Variants in KCNQ3 observed in about 807,000 individuals in gnomAD.
KCNQ3 encodes the protein potassium voltage-gated channel subfamily Q member 3.
KCNQ3 carries 30 observed loss-of-function variants against 92.5 expected under a neutral mutation model. That is an observed-to-expected ratio of 0.32 (90% CI 0.24 to 0.44). KCNQ3 has a LOEUF of 0.44. KCNQ3 is among the 20% of genes least tolerant of loss of function. KCNQ3 has a pLI of 1.00. For synonymous variants in KCNQ3, 450 were observed against 468.8 expected, an observed-to-expected ratio of 0.96 and a Z score of 0.52; for missense variants, 913 against 1,140.3, an observed-to-expected ratio of 0.80 and a Z score of 2.87.
chr8:132,415,282 G>A (rs1338295517), intron 1 of KCNQ3, among the ~76,000 whole-genome samples: 1 of 152,192 alleles, frequency 6.6e-6, no homozygotes, highest in East Asian at 1.9e-4. Flanking sequence ...GCAGGCATAA[G>A]GATTCAGGAA....
At position 132,480,772 on chromosome 8, in the gene KCNQ3, G is replaced by A. The variant is rs1166763916; in HGVS notation, c.-240C>T. On this transcript the variant is annotated 5_prime_UTR_variant, in exon 1 of 15. Transcript: ENST00000388996. ...CCGCGCGGGTCAGCCGCAGGACCCC[G>A]AGGGTCGCGGGCCGGGGGCTGCGGA... 3.5e-5 allele frequency: 7 copies of A among 200,314 alleles called. No individual in the cohort carries two copies. The highest frequency in any genetic ancestry group is 5.3e-5 in the Non-Finnish European group (6 of 114,150). The allele number at this position is 200,314 out of a possible 1,614,324, so 12.4% of individuals were successfully genotyped here. A position where few individuals can be genotyped will look rare whatever the true frequency, so the allele number is the denominator to read the frequency against.
intron 9 of KCNQ3, among the ~76,000 whole-genome samples, chr8:132,159,587 T>C (rs1267921247): frequency 6.6e-6 from 1 of 152,178 alleles, no homozygotes; most frequent in Non-Finnish European, 1.5e-5. Flanking sequence ...AGAGGAAATA[T>C]ATGTGATTTT....
Position 132,199,442 on chromosome 8 carries a change from C to A in KCNQ3, c.387-13261G>T, listed in dbSNP as rs556954529. ...TTGTGTTTTAATAGTTTTTTAAAGA[C>A]AAAGTACTAATATGATATTTTTGTC... On this transcript the variant is annotated intron_variant, in intron 1 of 14. Coordinates refer to ENST00000388996, the MANE Select transcript of KCNQ3 (RefSeq NM_004519.4). Among the ~76,000 whole-genome samples, 22 of 152,192 alleles carry A rather than the reference C, an allele frequency of 1.4e-4. No individual in the cohort carries two copies. In the East Asian group the frequency reaches 4.2e-3, roughly 29 times the overall value.
At chr8:132,154,208 T>TGTTTGTTTTTG (rs1554624533) in intron 9 of KCNQ3, among the ~76,000 whole-genome samples, 2 of 142,242 alleles carry the variant, frequency 1.4e-5, no homozygotes, top group African/African-American at 5.4e-5. Context: ...TTTTTTTTTT[T>TGTTTGTTTTTG]TTTTTTTTTT....
chr8:132,269,508 T>C (rs908957577), intron 1 of KCNQ3, among the ~76,000 whole-genome samples: 3 of 152,224 alleles, frequency 2.0e-5, no homozygotes, highest in African/African-American at 7.2e-5. Context: ...AGAATCTGCA[T>C]TTTTAACCAG....
At chr8:132,184,509 G>A (rs933124310) in intron 2 of KCNQ3, 142 bp from the exon 3 acceptor site, 3 of 791,692 alleles carry the variant, frequency 3.8e-6, no homozygotes, top group African/African-American at 1.7e-5. Flanking sequence ...TGGGGATGGG[G>A]GTGGGGAAGG....
chr8:132,247,729 C>T (rs1170786768), intron 1 of KCNQ3, among the ~76,000 whole-genome samples: 7 of 151,088 alleles, frequency 4.6e-5, no homozygotes, highest in Non-Finnish European at 7.4e-5. Context: ...ACCCAGGAGG[C>T]GGAGGATGCA....
At chr8:132,479,424 G>A (rs1244220783) in intron 1 of KCNQ3, among the ~76,000 whole-genome samples, 1 of 152,108 alleles carries the variant, frequency 6.6e-6, no homozygotes, top group Non-Finnish European at 1.5e-5. Context: ...AGATGTTTCA[G>A]CCAAAAGAGT....
At chr8:132,420,808 A>T (rs1820945570) in intron 1 of KCNQ3, among the ~76,000 whole-genome samples, 1 of 152,182 alleles carries the variant, frequency 6.6e-6, no homozygotes, top group African/African-American at 2.4e-5. Context: ...AGAGTCTCTA[A>T]CTGGGGCTCT....
At chr8:132,183,673 C>G (rs992007108) in intron 3 of KCNQ3, among the ~76,000 whole-genome samples, 2 of 152,192 alleles carry the variant, frequency 1.3e-5, no homozygotes, top group African/African-American at 4.8e-5. Context: ...TCCAGTGACA[C>G]CTCTCAAGGC....
chr8:132,427,786 C>A (rs1587009549), intron 1 of KCNQ3, among the ~76,000 whole-genome samples: 2 of 152,308 alleles, frequency 1.3e-5, no homozygotes, highest in African/African-American at 4.8e-5. Flanking sequence ...CTCCAAGGAG[C>A]AACTGAAACA....
chr8:132,397,761 G>A (rs551193913), intron 1 of KCNQ3, among the ~76,000 whole-genome samples: 33 of 152,264 alleles, frequency 2.2e-4, no homozygotes, highest in Admixed American at 9.8e-4. Context: ...AAAGTTCCCA[G>A]AGAAGCTAAG....
intron 1 of KCNQ3, among the ~76,000 whole-genome samples, chr8:132,326,883 G>A (rs1399477231): frequency 6.6e-6 from 1 of 152,206 alleles, no homozygotes; most frequent in Non-Finnish European, 1.5e-5. Flanking sequence ...TTACTCATTT[G>A]CCTTATCAAA....
intron 1 of KCNQ3, among the ~76,000 whole-genome samples, chr8:132,413,980 A>G (rs931246162): frequency 6.6e-6 from 1 of 152,218 alleles, no homozygotes; most frequent in Admixed American, 6.5e-5. Flanking sequence ...ATTCATCCTG[A>G]GGAGACGCCC....
rs1276670516 is a variant in KCNQ3, at chr8:132,122,593, G to A, written c.*6669C>T. 1 of 152,154 alleles carries A rather than the reference G, an allele frequency of 6.6e-6. No homozygotes were observed. The highest frequency in any genetic ancestry group is 1.5e-5 in the Non-Finnish European group (1 of 68,024). 9.4% of individuals were successfully genotyped at this position (152,154 alleles called of 1,614,324 possible). Reference sequence around the variant, plus strand: ...TGAAGCTTATTTTAAGCCCATAACAGTGCTATCTGGAGGATGAAGGCTTAG... The same window carrying A: ...TGAAGCTTATTTTAAGCCCATAACAATGCTATCTGGAGGATGAAGGCTTAG... On this transcript the variant is annotated 3_prime_UTR_variant, in exon 15 of 15. Coordinates refer to ENST00000388996, the MANE Select transcript of KCNQ3 (RefSeq NM_004519.4).
chr8:132,455,851 C>T (rs1447201834), intron 1 of KCNQ3, among the ~76,000 whole-genome samples: 1 of 152,162 alleles, frequency 6.6e-6, no homozygotes, highest in African/African-American at 2.4e-5. Flanking sequence ...ACGCCATTCT[C>T]CTGCCTCAGC....
At chr8:132,455,342 CAT>C (rs997123358) in intron 1 of KCNQ3, among the ~76,000 whole-genome samples, 17 of 152,182 alleles carry the variant, frequency 1.1e-4, no homozygotes, top group Non-Finnish European at 2.2e-4. Context: ...CCTGACCTCA[CAT>C]GACTCTCCTA....
At chr8:132,191,946 G>A (rs1368726201) in intron 1 of KCNQ3, among the ~76,000 whole-genome samples, 2 of 152,138 alleles carry the variant, frequency 1.3e-5, no homozygotes, top group East Asian at 3.9e-4. Context: ...GCGGCCAGCA[G>A]GACCGCGAAG....
intron 1 of KCNQ3, among the ~76,000 whole-genome samples, chr8:132,461,950 T>C (rs890576298): frequency 3.3e-5 from 5 of 152,220 alleles, no homozygotes; most frequent in African/African-American, 4.8e-5. Flanking sequence ...GTGGCAAATA[T>C]TTCTCCAAGT....
Sources: allele counts gnomAD v4.1 joint callset (sites outside exome capture counted in the v4.1 genomes callset), GRCh38; gene constraint gnomAD v4.1.1; transcripts MANE v1.5; gene names NCBI Gene and HGNC (gene_info 2026-07-23, HGNC 2026-07-21).